Variants in CDH3 observed in about 807,000 individuals in gnomAD.
CDH3 encodes cadherin 3.
CDH3 carries 54 observed loss-of-function variants against 82.0 expected under a neutral mutation model. That is an observed-to-expected ratio of 0.66 (90% CI 0.53 to 0.83). CDH3 has a LOEUF of 0.83. Ranked by LOEUF, CDH3 falls within the 40% of genes least tolerant of loss-of-function variation. The pLI is 0.00. For synonymous variants in CDH3, 446 were observed against 437.9 expected (o/e 1.02, Z -0.23); for missense variants, 1,054 against 1,084.6 (o/e 0.97, Z 0.40).
intron 1 of CDH3, among the ~76,000 whole-genome samples, chr16:68,713,098 G>T (rs9933844): frequency 6.6e-6 from 1 of 151,700 alleles, no homozygotes; most frequent in Admixed American, 6.6e-5. Context: ...CCCACTCTCT[G>T]TGTCTCTATG....
At chr16:68,658,993 G>A (rs975137074) in intron 2 of CDH3, among the ~76,000 whole-genome samples, 1 of 152,152 alleles carries the variant, frequency 6.6e-6, no homozygotes, top group Non-Finnish European at 1.5e-5. Context: ...TATGTTCACT[G>A]TAAAGACACA....
chr16:68,663,636 T>G (rs901633117), intron 2 of CDH3, among the ~76,000 whole-genome samples: 19 of 151,982 alleles, frequency 1.3e-4, no homozygotes, highest in Non-Finnish European at 2.6e-4. Context: ...ATACTAAAGA[T>G]GATGTTGTAT....
Position 68,687,732 on chromosome 16 carries a change from G to A in CDH3, c.1791G>A (p.Glu597=). The A allele has an allele frequency of 6.2e-7, 1 of 1,612,732 alleles. No homozygotes were observed. Among genetic ancestry groups the A allele is most frequent in the Non-Finnish European group, 8.5e-7 (1 of 1,178,894 alleles). The part of the protein sequence containing the change: ...SDIYWTAEVN[E]EGDTVVLSLK... ...TCTACTGGACGGCAGAGGTCAACGA[G>A]GAAGGTACCTGAGTGAGTGGTGGTA... Residue 597 remains glutamate (E), a synonymous_variant, in exon 12 of 16, where the codon GAG becomes GAA. Transcript: ENST00000264012.
chr16:68,682,503 C>T lies in CDH3; in HGVS notation c.1182+16C>T, dbSNP rs1240810614. The T allele has an allele frequency of 3.1e-6, 5 of 1,613,142 alleles. No homozygotes were observed. Among genetic ancestry groups the T allele is most frequent in the Admixed American group, 1.7e-5 (1 of 59,988 alleles). On this transcript the variant is annotated intron_variant, in intron 9 of 15. Transcript: ENST00000264012. ...AACCAGGAAGGTGAGTCAGTTCGGG[C>T]CTCAGACAATGGCTATACCTGGGGC...
chr16:68,720,341 C>A (rs1159076446), intron 1 of CDH3, among the ~76,000 whole-genome samples: 2 of 151,860 alleles, frequency 1.3e-5, no homozygotes, highest in African/African-American at 4.8e-5. Context: ...CCATGCATAC[C>A]CTGAATCAGA....
At chr16:68,710,832 G>A (rs1962017253) in intron 1 of CDH3, among the ~76,000 whole-genome samples, 1 of 147,956 alleles carries the variant, frequency 6.8e-6, no homozygotes, top group East Asian at 2.0e-4. Context: ...GCGACAGAGC[G>A]AGATTCTGTC....
chr16:68,651,004 G>C (rs886513368), intron 2 of CDH3: 5 of 330,666 alleles, frequency 1.5e-5, no homozygotes, highest in Non-Finnish European at 2.8e-5. Context: ...GAGACGATGT[G>C]GGGAGAGAGC....
intron 13 of CDH3, among the ~76,000 whole-genome samples, chr16:68,692,949 A>T (rs915519697): frequency 6.6e-6 from 1 of 152,192 alleles, no homozygotes; most frequent in African/African-American, 2.4e-5. Context: ...TACTGAAAAT[A>T]CAAAATTAGC....
chr16:68,655,369 G>T (rs147999830), intron 2 of CDH3, among the ~76,000 whole-genome samples: 1 of 152,278 alleles, frequency 6.6e-6, no homozygotes, highest in African/African-American at 2.4e-5. Flanking sequence ...GGTAAGTAAG[G>T]CCACAGCTCC....
intron 1 of CDH3, 40 bp downstream of exon 1, chr16:68,645,464 C>T (rs1302822033): frequency 1.2e-6 from 2 of 1,606,542 alleles, no homozygotes; most frequent in Middle Eastern, 1.7e-4. Context: ...CGGGACCGCT[C>T]CCTGGGGGGC....
chr16:68,704,549 C>T (rs1239533405), downstream of CDH3, among the ~76,000 whole-genome samples: 1 of 152,234 alleles, frequency 6.6e-6, no homozygotes, highest in Non-Finnish European at 1.5e-5. Flanking sequence ...ACCACCACCA[C>T]AGCGCATAGA....
intron 2 of CDH3, among the ~76,000 whole-genome samples, chr16:68,654,180 C>G (rs1401328896): frequency 6.7e-6 from 1 of 150,368 alleles, no homozygotes; most frequent in Non-Finnish European, 1.5e-5. Flanking sequence ...CTGCCTCAGC[C>G]TCCTGAATAG....
intron 2 of CDH3, among the ~76,000 whole-genome samples, chr16:68,665,617 A>T (rs1323718005): frequency 6.6e-6 from 1 of 152,174 alleles, no homozygotes; most frequent in Non-Finnish European, 1.5e-5. Flanking sequence ...TTTACCTACC[A>T]GACCCTTAAT....
intron 2 of CDH3, among the ~76,000 whole-genome samples, chr16:68,675,374 C>T (rs1312662771): frequency 6.6e-6 from 1 of 152,132 alleles, no homozygotes; most frequent in African/African-American, 2.4e-5. Context: ...CAGGGTATAG[C>T]CCCTGGCAGA....
At chr16:68,671,343 G>A (rs1181201667) in intron 2 of CDH3, among the ~76,000 whole-genome samples, 1 of 151,234 alleles carries the variant, frequency 6.6e-6, no homozygotes, top group Non-Finnish European at 1.5e-5. Context: ...CAGGTACTGG[G>A]GTGGCTTAAA....
At chr16:68,679,490 T>G (rs1230751853) in intron 6 of CDH3, among the ~76,000 whole-genome samples, 1 of 151,838 alleles carries the variant, frequency 6.6e-6, no homozygotes, top group African/African-American at 2.4e-5. Context: ...ATCAGGAGTT[T>G]AAGACCAGCT....
chr16:68,713,078 C>T (rs1962050211), intron 1 of CDH3, among the ~76,000 whole-genome samples: 1 of 152,088 alleles, frequency 6.6e-6, no homozygotes, highest in South Asian at 2.1e-4. Context: ...GCCCTTCTGT[C>T]CCTCCTCTCC....
intron 2 of CDH3, among the ~76,000 whole-genome samples, chr16:68,647,068 T>C (rs1232839736): frequency 6.6e-6 from 1 of 152,168 alleles, no homozygotes; most frequent in Non-Finnish European, 1.5e-5. Flanking sequence ...TGTAGGGAGC[T>C]GAGGAGAGGC....
At chr16:68,721,592 T>A (rs933066438) in intron 1 of CDH3, among the ~76,000 whole-genome samples, 1 of 152,166 alleles carries the variant, frequency 6.6e-6, no homozygotes. Context: ...TGTGAGCCAC[T>A]ATGCCCAGCC....
Sources: allele counts gnomAD v4.1 joint callset (sites outside exome capture counted in the v4.1 genomes callset), GRCh38; gene constraint gnomAD v4.1.1; transcripts MANE v1.5; gene names NCBI Gene and HGNC (gene_info 2026-07-23, HGNC 2026-07-21).